Variants in EYS observed in about 807,000 individuals in gnomAD.
EYS encodes the protein EGF-like photoreceptor maintenance factor, also known as protein eyes shut homolog.
Under a neutral mutation model 282.1 loss-of-function variants are expected in EYS, and 250 were observed. The observed-to-expected ratio is 0.89, with a 90% CI of 0.80 to 0.98. The LOEUF is 0.98. Ranked by LOEUF, EYS falls within the 50% of genes least tolerant of loss-of-function variation. The pLI is 0.00. For missense variants in EYS, 4,016 were observed against 3,709.0 expected (o/e 1.08, Z -2.15); for synonymous variants, 1,355 against 1,282.9 (o/e 1.06, Z -1.20).
intron 12 of EYS, among the ~76,000 whole-genome samples, chr6:65,067,939 A>G (rs1773795072): frequency 6.6e-6 from 1 of 152,126 alleles, no homozygotes; most frequent in Non-Finnish European, 1.5e-5. Flanking sequence ...ATTCTATCAC[A>G]TGCTAGCAGG....
intron 2 of EYS, among the ~76,000 whole-genome samples, chr6:65,614,011 C>T (rs556541777): frequency 6.6e-6 from 1 of 151,944 alleles, no homozygotes; most frequent in Admixed American, 6.6e-5. Flanking sequence ...CTACAGGCAA[C>T]ATGGTGTCCA....
At chr6:65,413,227 A>C (rs1767095669) in intron 5 of EYS, among the ~76,000 whole-genome samples, 1 of 152,182 alleles carries the variant, frequency 6.6e-6, no homozygotes, top group African/African-American at 2.4e-5. Context: ...CTATGAAGCA[A>C]TTAAAATAAT....
At chr6:64,563,392 C>T (rs1765463520) in intron 26 of EYS, among the ~76,000 whole-genome samples, 1 of 151,974 alleles carries the variant, frequency 6.6e-6, no homozygotes, top group Non-Finnish European at 1.5e-5. Flanking sequence ...CCTTTTCAAA[C>T]AAACACGAGT....
At chr6:65,022,273 C>T (rs890223569) in intron 13 of EYS, among the ~76,000 whole-genome samples, 1 of 152,190 alleles carries the variant, frequency 6.6e-6, no homozygotes, top group Non-Finnish European at 1.5e-5. Flanking sequence ...CTAGATGCTT[C>T]CTCCATTTGC....
intron 31 of EYS, among the ~76,000 whole-genome samples, chr6:64,119,828 G>C (rs1329749593): frequency 6.6e-6 from 1 of 152,168 alleles, no homozygotes; most frequent in African/African-American, 2.4e-5. Flanking sequence ...CTATCCTGGA[G>C]AGATTAAAGT....
chr6:65,109,500 T>C (rs987042863), intron 12 of EYS, among the ~76,000 whole-genome samples: 2 of 152,086 alleles, frequency 1.3e-5, no homozygotes, highest in African/African-American at 4.8e-5. Context: ...ACAAGAGTTG[T>C]CTTGAGTCTT....
intron 19 of EYS, among the ~76,000 whole-genome samples, chr6:64,843,739 G>T (rs1389213705): frequency 6.6e-6 from 1 of 152,102 alleles, no homozygotes; most frequent in Non-Finnish European, 1.5e-5. Flanking sequence ...CTGGGTTAAT[G>T]CTGAAATGAG....
At chr6:65,573,394 C>A (rs193003345) in intron 2 of EYS, among the ~76,000 whole-genome samples, 2 of 152,280 alleles carry the variant, frequency 1.3e-5, no homozygotes, top group East Asian at 3.9e-4. Flanking sequence ...GCAAAGGAGA[C>A]CAGCATCTTT....
At chr6:65,514,003 C>G (rs1393560716) in intron 2 of EYS, among the ~76,000 whole-genome samples, 1 of 152,114 alleles carries the variant, frequency 6.6e-6, no homozygotes, top group Non-Finnish European at 1.5e-5. Flanking sequence ...GTCAAATTGT[C>G]CCTGTTTGCA....
At chr6:65,390,899 T>G (rs1766003912) in intron 7 of EYS, among the ~76,000 whole-genome samples, 1 of 120,922 alleles carries the variant, frequency 8.3e-6, no homozygotes, top group Non-Finnish European at 1.9e-5. Context: ...AATAAAAAAA[T>G]AAAGAAAAAA....
chr6:65,344,803 T>C (rs958461078), intron 9 of EYS, among the ~76,000 whole-genome samples: 1 of 151,784 alleles, frequency 6.6e-6, no homozygotes, highest in Non-Finnish European at 1.5e-5. Context: ...TTAATTAAAC[T>C]GGGCTGAAAA....
chr6:64,855,669 G>A (rs1043771088), intron 19 of EYS, among the ~76,000 whole-genome samples: 31 of 152,166 alleles, frequency 2.0e-4, no homozygotes, highest in African/African-American at 6.7e-4. Flanking sequence ...TCTCTCTATG[G>A]GTTGTATAGT....
At chr6:63,799,132 G>T (rs1248858652) in intron 37 of EYS, among the ~76,000 whole-genome samples, 1 of 150,506 alleles carries the variant, frequency 6.6e-6, no homozygotes, top group South Asian at 2.1e-4. Context: ...TCCTGCCTCA[G>T]CCTCCTGAGT....
At chr6:65,385,873 C>G (rs930261875) in intron 7 of EYS, among the ~76,000 whole-genome samples, 4 of 151,842 alleles carry the variant, frequency 2.6e-5, no homozygotes, top group Non-Finnish European at 5.9e-5. Flanking sequence ...AGGTAGCAAC[C>G]CTTCCTATTG....
chr6:64,216,763 G>A (rs954382726), intron 31 of EYS, among the ~76,000 whole-genome samples: 1 of 152,162 alleles, frequency 6.6e-6, no homozygotes, highest in Non-Finnish European at 1.5e-5. Context: ...CTGCTCCTTA[G>A]TCCGAAGAAG....
At chr6:64,466,708 T>C (rs955056696) in intron 26 of EYS, among the ~76,000 whole-genome samples, 6 of 152,118 alleles carry the variant, frequency 3.9e-5, no homozygotes, top group Non-Finnish European at 7.4e-5. Flanking sequence ...AATATATTAA[T>C]ATATTCTTGA....
At position 65,494,838 on chromosome 6, in the gene EYS, A is replaced by T. The variant is rs375239060; in HGVS notation, c.573T>A (p.Ser191Arg). The T allele has an allele frequency of 2.5e-6, 4 of 1,613,992 alleles. No homozygotes were observed. In the African/African-American group the frequency reaches 5.3e-5, roughly 22 times the overall value. The change falls in exon 4 of 43, where the codon AGT (serine) becomes AGA (arginine). Residue 191 changes from serine (S) to arginine (R), a missense_variant. Ser to Arg is a moderately radical substitution (Grantham distance 110). Coordinates refer to ENST00000503581, the MANE Select transcript of EYS (RefSeq NM_001142800.2). ...EFCSGHGKCL[S>R]EAWSKTYSCH... ...AGCTATATGTCTTGCTCCAAGCTTC[A>T]CTAAGACATTTACCATGACCAGAGC...
At chr6:64,951,771 T>A (rs531707423) in intron 14 of EYS, among the ~76,000 whole-genome samples, 66 of 151,848 alleles carry the variant, frequency 4.3e-4, no homozygotes, top group South Asian at 1.0e-3. Context: ...GTAAAAGATA[T>A]ACAGATTGAA....
rs1765355300 is a variant in EYS at position 65,594,937 on chromosome 6, T to G, written c.-333+44841A>C. On this transcript the variant is annotated intron_variant, in intron 2 of 42. Transcript: ENST00000503581. ...AAATAGGGAATCCTTTCCCCATTTC[T>G]TGTTTTGGTCAGGTTTGCCAAAGAT... 1.3e-5 allele frequency among the ~76,000 whole-genome samples: 2 copies of G among 152,290 alleles called. 1 individual carries two copies. Among genetic ancestry groups the G allele is most frequent in the South Asian group, 4.1e-4 (2 of 4,828 alleles).
Sources: gnomAD v4.1 joint callset for allele counts (sites outside exome capture counted in the v4.1 genomes callset) on GRCh38, gnomAD v4.1.1 for gene constraint, MANE v1.5 for transcripts, NCBI Gene and HGNC (gene_info 2026-07-23, HGNC 2026-07-21) for gene names.